Variants in RBM6 observed in about 807,000 individuals in gnomAD.
The protein encoded by RBM6 is RNA binding motif protein 6.
In RBM6, 23 loss-of-function variants were observed where a neutral mutation model predicts 140.4. The ratio of observed to expected loss-of-function variants is 0.16; its 90% CI spans 0.12 to 0.23. RBM6 has a LOEUF of 0.23. Among genes scored for constraint, RBM6 ranks in the 10% least tolerant of loss-of-function variants. The pLI is 1.00. For missense variants in RBM6, 1,139 were observed against 1,386.7 expected (o/e 0.82, Z 2.84); for synonymous variants, 439 against 475.6 (o/e 0.92, Z 1.00).
intron 4 of RBM6, among the ~76,000 whole-genome samples, chr3:49,972,456 T>C (rs749336981): frequency 1.8e-4 from 27 of 152,204 alleles, no homozygotes; most frequent in Non-Finnish European, 3.7e-4. Flanking sequence ...TCACATCCTT[T>C]AGAGCATATT....
chr3:49,994,476 G>A (rs2085977663), intron 5 of RBM6, among the ~76,000 whole-genome samples: 2 of 151,956 alleles, frequency 1.3e-5, no homozygotes, highest in Non-Finnish European at 2.9e-5. Context: ...ATTCTGTTTC[G>A]GTTTTGCTAA....
chr3:49,945,080 T>C (rs777259515), intron 1 of RBM6, among the ~76,000 whole-genome samples: 8 of 151,812 alleles, frequency 5.3e-5, no homozygotes, highest in Admixed American at 2.0e-4. Flanking sequence ...TTTCACCGTG[T>C]TAGCCAGGAT....
intron 5 of RBM6, among the ~76,000 whole-genome samples, chr3:49,984,476 G>A (rs2085454374): frequency 6.6e-6 from 1 of 152,078 alleles, no homozygotes; most frequent in Non-Finnish European, 1.5e-5. Context: ...GGCTGGTGGT[G>A]TATGCCTATA....
chr3:49,946,548 T>G (rs1330168835), intron 1 of RBM6, among the ~76,000 whole-genome samples: 1 of 151,514 alleles, frequency 6.6e-6, no homozygotes, highest in Non-Finnish European at 1.5e-5. Flanking sequence ...CATTTTCTTT[T>G]TTTTTGAGAC....
chr3:49,989,091 A>T (rs2108698482), intron 5 of RBM6, among the ~76,000 whole-genome samples: 1 of 152,230 alleles, frequency 6.6e-6, no homozygotes, highest in Admixed American at 6.5e-5. Flanking sequence ...AGGGTAGGAA[A>T]ATCATCACAT....
chr3:50,010,749 G>A (rs1256183968), intron 6 of RBM6, among the ~76,000 whole-genome samples: 2 of 151,108 alleles, frequency 1.3e-5, no homozygotes, highest in East Asian at 2.0e-4. Flanking sequence ...CCAAAAATAC[G>A]AAAATTAGCC....
intron 19 of RBM6, among the ~76,000 whole-genome samples, chr3:50,074,699 G>T (rs1356505424): frequency 2.0e-5 from 3 of 152,168 alleles, no homozygotes; most frequent in African/African-American, 7.2e-5. Context: ...CCTTTCTTGT[G>T]AACAGGGCCA....
intron 7 of RBM6, among the ~76,000 whole-genome samples, chr3:50,049,849 CTT>C (rs772819564): frequency 1.3e-4 from 18 of 136,448 alleles, no homozygotes; most frequent in Non-Finnish European, 1.4e-4. Context: ...CCTAGAACTT[CTT>C]TTTTTTTTTT....
chr3:50,020,880 T>C (rs1322482825), intron 6 of RBM6, among the ~76,000 whole-genome samples: 1 of 152,162 alleles, frequency 6.6e-6, no homozygotes, highest in African/African-American at 2.4e-5. Context: ...TGCAAGCCCA[T>C]TGTTGACTGA....
intron 6 of RBM6, among the ~76,000 whole-genome samples, chr3:50,014,104 C>G (rs542965776): frequency 1.1e-4 from 16 of 152,324 alleles, no homozygotes; most frequent in African/African-American, 3.6e-4. Context: ...AAAGGATGAC[C>G]TGGCTTGCCG....
At chr3:49,972,309 T>A (rs572758429) in intron 4 of RBM6, among the ~76,000 whole-genome samples, 161 bp downstream of exon 4, 23 of 152,322 alleles carry the variant, frequency 1.5e-4, no homozygotes, top group Admixed American at 3.3e-4. Flanking sequence ...TTTGCACAAC[T>A]GTGGTATAGT....
intron 1 of RBM6, among the ~76,000 whole-genome samples, chr3:49,944,729 G>A (rs2083414625): frequency 6.6e-6 from 1 of 151,950 alleles, no homozygotes; most frequent in Admixed American, 6.6e-5. Context: ...ACCTGCCTCG[G>A]CCTCCCAAAG....
chr3:50,025,434 CAA>C (rs2087745355), intron 6 of RBM6, among the ~76,000 whole-genome samples: 1 of 151,070 alleles, frequency 6.6e-6, no homozygotes, highest in Admixed American at 6.7e-5. Flanking sequence ...AAAAAGAAAA[CAA>C]AACACCACGG....
chr3:49,971,867 C>T (rs1412138881), intron 3 of RBM6, among the ~76,000 whole-genome samples, 192 bp from the exon 4 acceptor site: 1 of 152,138 alleles, frequency 6.6e-6, no homozygotes, highest in Non-Finnish European at 1.5e-5. Context: ...GAGACTTGGT[C>T]TTAGCACATT....
chr3:49,949,512 C>A (rs1159149485), intron 1 of RBM6, among the ~76,000 whole-genome samples: 1 of 152,122 alleles, frequency 6.6e-6, no homozygotes, highest in African/African-American at 2.4e-5. Context: ...CCTGCCTCAG[C>A]CTCCCGAGTA....
At chr3:50,016,824 G>A (rs1424007811) in intron 6 of RBM6, among the ~76,000 whole-genome samples, 3 of 86,062 alleles carry the variant, frequency 3.5e-5, no homozygotes, top group South Asian at 7.0e-4. Context: ...CATGCCTAGC[G>A]TTTTTTTTTT....
intron 1 of RBM6, among the ~76,000 whole-genome samples, chr3:49,947,381 G>A (rs1290193327): frequency 2.0e-5 from 3 of 151,892 alleles, no homozygotes; most frequent in Non-Finnish European, 4.4e-5. Flanking sequence ...AGTGAGCTGT[G>A]ATTGCACCAC....
chr3:50,008,111 C>A (rs1395875947), intron 6 of RBM6, among the ~76,000 whole-genome samples: 1 of 152,118 alleles, frequency 6.6e-6, no homozygotes, highest in Admixed American at 6.6e-5. Context: ...GCAAAACACC[C>A]TAAGCTCTGA....
intron 1 of RBM6, among the ~76,000 whole-genome samples, chr3:49,955,419 C>CA (rs1185564492): frequency 6.7e-6 from 1 of 148,874 alleles, no homozygotes; most frequent in Non-Finnish European, 1.5e-5. Flanking sequence ...TTTTTTGAAA[C>CA]AAAGTTTTGC....
Sources: allele counts gnomAD v4.1 joint callset (sites outside exome capture counted in the v4.1 genomes callset), GRCh38; gene constraint gnomAD v4.1.1; transcripts MANE v1.5; gene names NCBI Gene and HGNC (gene_info 2026-07-23, HGNC 2026-07-21).